Variants in TAOK3 observed in about 807,000 individuals in gnomAD.
The protein encoded by TAOK3 is TAO kinase 3, also known as serine/threonine-protein kinase TAO3.
TAOK3 carries 40 observed loss-of-function variants against 120.4 expected under a neutral mutation model. The ratio of observed to expected loss-of-function variants is 0.33; its 90% CI spans 0.26 to 0.43. TAOK3 has a LOEUF of 0.43. Ranked by LOEUF, TAOK3 falls within the 20% of genes least tolerant of loss-of-function variation. The pLI, the probability that TAOK3 is intolerant of heterozygous loss-of-function variation, is 1.00. For synonymous variants in TAOK3, 355 were observed against 387.5 expected (o/e 0.92, Z 0.99); for missense variants, 821 against 1,112.1 (o/e 0.74, Z 3.72).
At chr12:118,234,524 G>A (rs921513372) in intron 8 of TAOK3, among the ~76,000 whole-genome samples, 5 of 152,062 alleles carry the variant, frequency 3.3e-5, no homozygotes, top group African/African-American at 2.4e-5. Context: ...GATTACTGGC[G>A]TGAGCCACCG....
At chr12:118,310,837 T>C (rs996530787) in intron 1 of TAOK3, among the ~76,000 whole-genome samples, 1 of 152,216 alleles carries the variant, frequency 6.6e-6, no homozygotes, top group Non-Finnish European at 1.5e-5. Flanking sequence ...CCGTGTAGTG[T>C]AGATAGCCTT....
chr12:118,276,249 G>A (rs1366612984), intron 1 of TAOK3, among the ~76,000 whole-genome samples: 1 of 152,136 alleles, frequency 6.6e-6, no homozygotes, highest in Non-Finnish European at 1.5e-5. Context: ...AGGTGCTGGT[G>A]GTAGAGGTAA....
At chr12:118,172,732 A>G in intron 16 of TAOK3, 72 bp from the exon 17 acceptor site, 1 of 1,327,660 alleles carries the variant, frequency 7.5e-7, no homozygotes, top group South Asian at 1.2e-5. Flanking sequence ...TTGCAACTGA[A>G]GATTAAGTTA....
intron 14 of TAOK3, among the ~76,000 whole-genome samples, chr12:118,182,599 G>A (rs4767667): frequency 0.081 from 7,559 of 93,832 alleles, 999 homozygotes; most frequent in African/African-American, 0.27. Flanking sequence ...GTGTGTGTGT[G>A]TATATATATA....
chr12:118,248,679 T>G (rs2040621611), intron 3 of TAOK3, among the ~76,000 whole-genome samples: 1 of 152,112 alleles, frequency 6.6e-6, no homozygotes, highest in African/African-American at 2.4e-5. Context: ...CAGATAGTAT[T>G]ATTATTTAAT....
intron 1 of TAOK3, among the ~76,000 whole-genome samples, chr12:118,279,770 T>TG (rs2042030799): frequency 6.8e-6 from 1 of 146,928 alleles, no homozygotes; most frequent in South Asian, 2.1e-4. Context: ...TTATTGTTGT[T>TG]TTTTTTTTTT....
At chr12:118,239,478 T>C (rs2040151374) in intron 5 of TAOK3, among the ~76,000 whole-genome samples, 1 of 152,214 alleles carries the variant, frequency 6.6e-6, no homozygotes, top group Non-Finnish European at 1.5e-5. Flanking sequence ...TGTTTGAAAT[T>C]GGCCTAAAGA....
intron 15 of TAOK3, among the ~76,000 whole-genome samples, chr12:118,178,251 C>T (rs931059352): frequency 6.6e-6 from 1 of 152,116 alleles, no homozygotes; most frequent in Non-Finnish European, 1.5e-5. Flanking sequence ...CATGCCCGGT[C>T]AGAACTAAGG....
intron 1 of TAOK3, among the ~76,000 whole-genome samples, chr12:118,317,135 C>T (rs945958672): frequency 6.6e-6 from 1 of 151,768 alleles, no homozygotes; most frequent in Non-Finnish European, 1.5e-5. Context: ...TGGTGGTGCA[C>T]GCCTGTAACT....
chr12:118,302,302 A>G (rs1050735948), intron 1 of TAOK3, among the ~76,000 whole-genome samples: 28 of 152,346 alleles, frequency 1.8e-4, no homozygotes, highest in African/African-American at 6.3e-4. Flanking sequence ...ACAACAGTAT[A>G]GCCTGGAGGG....
At position 118,339,798 on chromosome 12, in the gene TAOK3, C is replaced by T. The variant is rs373526446; in HGVS notation, c.-194+32850G>A. Among the ~76,000 whole-genome samples the T allele has an allele frequency of 2.8e-4, 43 of 152,022 alleles. No individual in the cohort carries two copies. In the South Asian group the frequency reaches 8.7e-3, roughly 31 times the overall value. Reference sequence around the variant, plus strand: ...ATAGTCCCGCCTCGGCTTCCCAAAGCGCTGGGATTACAGAAGTGAGCCACC... The same window carrying T: ...ATAGTCCCGCCTCGGCTTCCCAAAGTGCTGGGATTACAGAAGTGAGCCACC... On this transcript the variant is annotated intron_variant, in intron 1 of 20. Transcript: ENST00000392533.
At chr12:118,354,832 C>A (rs946085082) in intron 1 of TAOK3, among the ~76,000 whole-genome samples, 4 of 152,138 alleles carry the variant, frequency 2.6e-5, no homozygotes, top group Non-Finnish European at 5.9e-5. Flanking sequence ...CCATGTGGAA[C>A]TGTGAGTCCA....
intron 2 of TAOK3, among the ~76,000 whole-genome samples, chr12:118,258,549 T>TA (rs899469699): frequency 3.3e-5 from 5 of 151,848 alleles, no homozygotes; most frequent in East Asian, 1.9e-4. Context: ...CCATCTCTAC[T>TA]AAAAAAATAC....
In TAOK3 at chr12:118,169,474, G is replaced by A. The variant is rs183312781; in HGVS notation, c.1899+2983C>T. Among the ~76,000 whole-genome samples the A allele has an allele frequency of 7.5e-3, 1,081 of 144,276 alleles. 6 individuals are homozygous for A. Among genetic ancestry groups the A allele is most frequent in the Middle Eastern group, 0.022 (5 of 232 alleles). The allele number at this position is 144,276 out of a possible 152,430, so 94.7% of individuals were successfully genotyped here. A position where few individuals can be genotyped will look rare whatever the true frequency, so the allele number is the denominator to read the frequency against. ...TGGGATTACAGGCGCCCACCACCAC[G>A]CCTGGCTAATTTTTGTAGTACAGAT... On this transcript the variant is annotated intron_variant, in intron 17 of 20. Transcript: ENST00000392533.
intron 13 of TAOK3, among the ~76,000 whole-genome samples, chr12:118,191,311 T>C (rs1341076871): frequency 6.6e-6 from 1 of 152,236 alleles, no homozygotes; most frequent in Non-Finnish European, 1.5e-5. Context: ...AGAATTGTTT[T>C]AAATTTATGT....
At chr12:118,314,928 CTTT>C (rs913291664) in intron 1 of TAOK3, among the ~76,000 whole-genome samples, 1 of 143,458 alleles carries the variant, frequency 7.0e-6, no homozygotes, top group African/African-American at 2.5e-5. Flanking sequence ...TTTTCTTTTT[CTTT>C]TTTTTTTTTA....
At chr12:118,354,488 G>A (rs550175549) in intron 1 of TAOK3, among the ~76,000 whole-genome samples, 2 of 152,264 alleles carry the variant, frequency 1.3e-5, no homozygotes, top group African/African-American at 2.4e-5. Context: ...ATGGGGCCAG[G>A]CACAGTGGCT....
chr12:118,346,224 GA>G (rs2044853276), intron 1 of TAOK3, among the ~76,000 whole-genome samples: 1 of 152,212 alleles, frequency 6.6e-6, no homozygotes, highest in South Asian at 2.1e-4. Flanking sequence ...TTGTTGAGAA[GA>G]GGAGAAAGGG....
chr12:118,209,006 G>A (rs1305050548), intron 11 of TAOK3, among the ~76,000 whole-genome samples: 3 of 151,990 alleles, frequency 2.0e-5, no homozygotes, highest in African/African-American at 4.8e-5. Flanking sequence ...CACCGTGCCC[G>A]GCCAGAATTT....
Sources: allele counts gnomAD v4.1 joint callset (sites outside exome capture counted in the v4.1 genomes callset), GRCh38; gene constraint gnomAD v4.1.1; transcripts MANE v1.5; gene names NCBI Gene and HGNC (gene_info 2026-07-23, HGNC 2026-07-21).